ZNF365: variants seen among roughly 807,000 people sequenced by gnomAD.
ZNF365 encodes zinc finger protein 365, also known as protein ZNF365.
ZNF365 carries 22 observed loss-of-function variants against 35.0 expected under a neutral mutation model. That is an observed-to-expected ratio of 0.63 (90% CI 0.45 to 0.90). The LOEUF is 0.90. Among genes scored for constraint, ZNF365 ranks in the 40% least tolerant of loss-of-function variants. The probability of loss-of-function intolerance (pLI) is 0.00; values close to 1 mark genes in which losing one functional copy is unlikely to be tolerated. For synonymous variants in ZNF365, 188 were observed against 196.2 expected (o/e 0.96, Z 0.35); for missense variants, 448 against 500.3 (o/e 0.90, Z 1.00).
intron 2 of ZNF365, among the ~76,000 whole-genome samples, chr10:62,379,165 G>A (rs540706544): frequency 1.4e-4 from 22 of 152,108 alleles, no homozygotes; most frequent in African/African-American, 5.1e-4. Flanking sequence ...TGGGGTTACA[G>A]GCGCCCACCA....
intron 3 of ZNF365, among the ~76,000 whole-genome samples, chr10:62,457,758 A>G (rs1396666733): frequency 6.6e-6 from 1 of 152,178 alleles, no homozygotes; most frequent in African/African-American, 2.4e-5. Flanking sequence ...AACGGTGGCT[A>G]GGTGTCAGGT....
At position 62,401,493 on chromosome 10, in the gene ZNF365, G is replaced by T; in HGVS notation, c.*1704G>T. 1.1e-5 allele frequency: 11 copies of T among 985,334 alleles called. No homozygotes were observed. The highest frequency in any genetic ancestry group is 1.3e-5 in the Non-Finnish European group (11 of 829,874). The allele number at this position is 985,334 out of a possible 1,614,324, so 61.0% of individuals were successfully genotyped here. A position where few individuals can be genotyped will look rare whatever the true frequency, so the allele number is the denominator to read the frequency against. On this transcript the variant is annotated 3_prime_UTR_variant, in exon 5 of 5. Transcript: ENST00000395254. ...ACTTTGACTTTCAGTTTATGGGGGG[G>T]GTAGATCATTCATGTGATATATAAG...
intron 3 of ZNF365, among the ~76,000 whole-genome samples, chr10:62,455,738 A>T (rs964723898): frequency 1.3e-5 from 2 of 152,152 alleles, no homozygotes; most frequent in South Asian, 2.1e-4. Flanking sequence ...AAGAACTTAC[A>T]TATATTTGGT....
chr10:62,453,762 T>C (rs1009898070), intron 3 of ZNF365, among the ~76,000 whole-genome samples: 3 of 152,224 alleles, frequency 2.0e-5, no homozygotes, highest in Non-Finnish European at 4.4e-5. Flanking sequence ...AGGAAATAAA[T>C]ATGAAAGTAT....
intron 3 of ZNF365, among the ~76,000 whole-genome samples, chr10:62,454,840 AAAT>A (rs1289778254): frequency 1.3e-5 from 2 of 152,198 alleles, no homozygotes; most frequent in African/African-American, 2.4e-5. Context: ...GAATGTAAAC[AAAT>A]AATTGCTGTT....
chr10:62,432,281 A>G lies in ZNF365; in HGVS notation c.925-27460A>G, dbSNP rs545885353. On this transcript the variant is annotated intron_variant, in intron 3 of 4. Transcript: ENST00000395255. ...TTAGGAGAGCAGTTTTTAGGAGAGCAGTTTCTTGTTTCCCATATTGTCTCC... is the reference window on the plus strand; with the variant it reads ...TTAGGAGAGCAGTTTTTAGGAGAGCGGTTTCTTGTTTCCCATATTGTCTCC... Among the ~76,000 whole-genome samples, 62 of 152,290 alleles carry G rather than the reference A, an allele frequency of 4.1e-4. No individual in the cohort carries two copies. In the South Asian group the frequency reaches 9.3e-3, roughly 23 times the overall value.
chr10:62,433,741 T>C (rs1287277972), intron 3 of ZNF365, among the ~76,000 whole-genome samples: 1 of 152,114 alleles, frequency 6.6e-6, no homozygotes, highest in Non-Finnish European at 1.5e-5. Flanking sequence ...CACATTATGA[T>C]TGGAGTTAAA....
At chr10:62,454,202 C>T (rs923091563) in intron 3 of ZNF365, among the ~76,000 whole-genome samples, 1 of 152,120 alleles carries the variant, frequency 6.6e-6, no homozygotes, top group African/African-American at 2.4e-5. Context: ...TAAGCAGTTA[C>T]CAAGCAGGAA....
At chr10:62,415,167 GT>G (rs781220843) in intron 3 of ZNF365, among the ~76,000 whole-genome samples, 2 of 151,804 alleles carry the variant, frequency 1.3e-5, no homozygotes, top group South Asian at 4.2e-4. Flanking sequence ...TCTATTGCAT[GT>G]TTTTTTTCCC....
At chr10:62,442,826 A>T (rs959763901) in intron 3 of ZNF365, among the ~76,000 whole-genome samples, 1 of 152,104 alleles carries the variant, frequency 6.6e-6, no homozygotes, top group African/African-American at 2.4e-5. Flanking sequence ...CATGGGGGGA[A>T]TTTCTGAGAT....
intron 4 of ZNF365, 136 bp downstream of exon 4, chr10:62,398,913 C>A: frequency 1.2e-6 from 1 of 813,768 alleles, no homozygotes; most frequent in Non-Finnish European, 1.9e-6. Context: ...TAAGTGAAAA[C>A]TGACCTGCAT....
At chr10:62,414,786 T>C (rs1840046923) in intron 3 of ZNF365, among the ~76,000 whole-genome samples, 1 of 152,208 alleles carries the variant, frequency 6.6e-6, no homozygotes, top group Non-Finnish European at 1.5e-5. Context: ...CAAATATTTC[T>C]TCTGTCTCAT....
intron 3 of ZNF365, among the ~76,000 whole-genome samples, chr10:62,422,365 T>C (rs1216732531): frequency 6.6e-6 from 1 of 152,154 alleles, no homozygotes; most frequent in Non-Finnish European, 1.5e-5. Flanking sequence ...TCTTTGGTTG[T>C]TAAAGGCAAC....
intron 3 of ZNF365, among the ~76,000 whole-genome samples, chr10:62,441,256 C>T (rs1170028193): frequency 6.6e-6 from 1 of 152,136 alleles, no homozygotes. Flanking sequence ...TTCTAAAGTC[C>T]ATACTTAGAA....
intron 3 of ZNF365, among the ~76,000 whole-genome samples, chr10:62,429,183 A>G (rs1398581009): frequency 6.6e-6 from 1 of 152,182 alleles, no homozygotes; most frequent in Non-Finnish European, 1.5e-5. Context: ...GCATAGAGAA[A>G]GAAGTGGGAA....
chr10:62,416,275 G>C (rs1187273967), intron 3 of ZNF365, among the ~76,000 whole-genome samples: 1 of 151,674 alleles, frequency 6.6e-6, no homozygotes, highest in Non-Finnish European at 1.5e-5. Flanking sequence ...CTAAAACTCA[G>C]CATAAGCTGA....
intron 3 of ZNF365, among the ~76,000 whole-genome samples, chr10:62,430,365 A>G (rs982551075): frequency 2.0e-5 from 3 of 148,528 alleles, no homozygotes; most frequent in Non-Finnish European, 3.0e-5. Flanking sequence ...TATTTTTAGT[A>G]GAGACGGGGT....
Position 62,399,933 on chromosome 10 carries a change from A to G in ZNF365, c.*144A>G. On this transcript the variant is annotated 3_prime_UTR_variant, in exon 5 of 5. Coordinates refer to ENST00000395254, the MANE Select transcript of ZNF365 (RefSeq NM_014951.3). Reference sequence around the variant, plus strand: ...ATAACACAGGCAAGCACCTCAATTAACCAGAGCTTAGCAAATGGGAATCTT... The same window carrying G: ...ATAACACAGGCAAGCACCTCAATTAGCCAGAGCTTAGCAAATGGGAATCTT... The G allele has an allele frequency of 2.2e-6, 3 of 1,392,476 alleles. No homozygotes were observed. Among genetic ancestry groups the G allele is most frequent in the South Asian group, 1.9e-5 (1 of 53,508 alleles). 86.3% of individuals were successfully genotyped at this position (1,392,476 alleles called of 1,614,324 possible).
chr10:62,431,549 G>A (rs1191963247), intron 3 of ZNF365, among the ~76,000 whole-genome samples: 2 of 152,014 alleles, frequency 1.3e-5, no homozygotes, highest in African/African-American at 4.8e-5. Context: ...TTTTTGACCA[G>A]TCTCCTACTG....
Sources: allele counts gnomAD v4.1 joint callset (sites outside exome capture counted in the v4.1 genomes callset), GRCh38; gene constraint gnomAD v4.1.1; transcripts MANE v1.5; gene names NCBI Gene and HGNC (gene_info 2026-07-23, HGNC 2026-07-21).